The following DRG1 variants were observed in gnomAD, a reference collection of about 807,000 sequenced individuals.
DRG1 encodes the protein developmentally-regulated GTP-binding protein 1.
Under a neutral mutation model 38.8 loss-of-function variants are expected in DRG1, and 19 were observed. The ratio of observed to expected loss-of-function variants is 0.49; its 90% confidence interval spans 0.34 to 0.72. The LOEUF (loss-of-function observed/expected upper bound fraction) is 0.72, where lower values mean the gene tolerates loss of function less well. Ranked by LOEUF, DRG1 falls within the 30% of genes least tolerant of loss-of-function variation. The pLI, the probability that DRG1 is intolerant of heterozygous loss-of-function variation, is 0.01. For missense variants in DRG1, 299 were observed against 444.8 expected (o/e 0.67, Z 2.95); for synonymous variants, 167 against 157.5 (o/e 1.06, Z -0.45).
chr22:31,415,109 C>A (rs1048981879), intron 4 of DRG1, among the ~76,000 whole-genome samples: 2 of 151,960 alleles, frequency 1.3e-5, no homozygotes, highest in Admixed American at 6.6e-5. Context: ...GGTAGAATCT[C>A]GATATATTGC....
intron 8 of DRG1, among the ~76,000 whole-genome samples, chr22:31,429,632 C>T (rs1314511333): frequency 2.0e-5 from 3 of 151,640 alleles, no homozygotes; most frequent in African/African-American, 7.3e-5. Context: ...CATGTTGGCC[C>T]CTGTGTTCTT....
intron 4 of DRG1, 124 bp from the exon 5 acceptor site, chr22:31,420,132 G>A (rs568167178): frequency 9.9e-7 from 1 of 1,009,008 alleles, no homozygotes; most frequent in Non-Finnish European, 1.5e-6. Flanking sequence ...ACGTATGCAT[G>A]TATGTATTAC....
rs774966781 is a variant in DRG1 at position 31,426,800 on chromosome 22, G to A, written c.881+18G>A. 2.5e-6 allele frequency: 4 copies of A among 1,611,158 alleles called. No homozygotes were observed. Among genetic ancestry groups the A allele is most frequent in the African/African-American group, 2.7e-5 (2 of 74,802 alleles). ...GTGAGAATGTAAGTCTTTGTGGATA[G>A]GGTAATGTTGCTATAGGAATTAACC... On this transcript the variant is annotated intron_variant, in intron 7 of 8. Transcript: ENST00000331457.
chr22:31,411,014 C>T lies in DRG1; in HGVS notation c.345C>T (p.Leu115=). ...TTCCCCCATTCTTAATCTTGCAGCT[C>T]CTGGATCTCCCAGGTATCATTGAAG... ...VIRYKGAKIQ[L]LDLPGIIEGA... Residue 115 remains leucine, a splice_region_variant and synonymous_variant, in exon 4 of 9, where the codon CTC becomes CTT. Transcript: ENST00000331457. 6.2e-7 allele frequency: 1 copy of T among 1,613,744 alleles called. No individual in the cohort carries two copies. Among genetic ancestry groups the T allele is most frequent in the Non-Finnish European group, 8.5e-7 (1 of 1,179,822 alleles).
chr22:31,405,759 G>C (rs1472874798), intron 3 of DRG1, among the ~76,000 whole-genome samples: 3 of 152,042 alleles, frequency 2.0e-5, no homozygotes, highest in Non-Finnish European at 4.4e-5. Context: ...CGTGATCTTG[G>C]CTCACTACAA....
intron 4 of DRG1, among the ~76,000 whole-genome samples, chr22:31,412,048 T>C (rs2050021079): frequency 6.6e-6 from 1 of 151,770 alleles, no homozygotes; most frequent in South Asian, 2.1e-4. Flanking sequence ...TCCCAGCATT[T>C]TGGGAGGCCG....
rs1476450614 is a variant in DRG1, at chr22:31,434,037, C to T, written c.*66C>T. 6.8e-7 allele frequency: 1 copy of T among 1,479,134 alleles called. No individual in the cohort carries two copies. 91.6% of individuals were successfully genotyped at this position (1,479,134 alleles called of 1,614,324 possible). A position where few individuals can be genotyped will look rare whatever the true frequency, so the allele number is the denominator to read the frequency against. On this transcript the variant is annotated 3_prime_UTR_variant, in exon 9 of 9. Transcript: ENST00000331457. Reference sequence around the variant, plus strand: ...CGTTCCCCATGATCAAGCACCCTACCCCAGTTCTTTCTGGTTTTGGCAGTC... The same window carrying T: ...CGTTCCCCATGATCAAGCACCCTACTCCAGTTCTTTCTGGTTTTGGCAGTC...
At chr22:31,429,094 G>A (rs1046326939) in intron 8 of DRG1, among the ~76,000 whole-genome samples, 1 of 151,838 alleles carries the variant, frequency 6.6e-6, no homozygotes, top group African/African-American at 2.4e-5. Context: ...TCAAATTTTT[G>A]CCTGCTATTA....
intron 3 of DRG1, among the ~76,000 whole-genome samples, chr22:31,403,940 T>A (rs2049976186): frequency 6.6e-6 from 1 of 151,994 alleles, no homozygotes; most frequent in Admixed American, 6.6e-5. Context: ...TTCAGAGTCT[T>A]GTTGAGAGTC....
chr22:31,415,946 A>G (rs906595555), intron 4 of DRG1, among the ~76,000 whole-genome samples: 3 of 151,960 alleles, frequency 2.0e-5, no homozygotes, highest in Non-Finnish European at 4.4e-5. Flanking sequence ...CTAACATTAT[A>G]GCCCCATAAC....
At chr22:31,412,550 C>T (rs1449362285) in intron 4 of DRG1, among the ~76,000 whole-genome samples, 6 of 151,650 alleles carry the variant, frequency 4.0e-5, no homozygotes, top group South Asian at 2.1e-4. Flanking sequence ...GGGGTTTCAT[C>T]GTGTTAGCCA....
intron 2 of DRG1, among the ~76,000 whole-genome samples, chr22:31,402,058 A>G (rs1044791161): frequency 6.6e-6 from 1 of 152,170 alleles, no homozygotes; most frequent in African/African-American, 2.4e-5. Context: ...CTCAAGAAAA[A>G]AAAAGAAAAA....
chr22:31,408,129 T>C (rs1163418855), intron 3 of DRG1, among the ~76,000 whole-genome samples: 1 of 115,554 alleles, frequency 8.7e-6, no homozygotes, highest in African/African-American at 3.1e-5. Context: ...CCCCTTTTTT[T>C]CCTTCTTTTT....
chr22:31,427,076 G>A lies in DRG1; in HGVS notation c.898G>A (p.Gly300Ser), dbSNP rs1417046965. Reference sequence around the variant, plus strand: ...CTATTCTAGTTACACCAAACCCAAAGGCCAGTTACCAGATTACACATCCCC... The same window carrying A: ...CTATTCTAGTTACACCAAACCCAAAAGCCAGTTACCAGATTACACATCCCC... ...KLVRIYTKPKGQLPDYTSPVV... is the reference protein window; with the variant it reads ...KLVRIYTKPKSQLPDYTSPVV... Residue 300 changes from glycine (G) to serine (S), a missense_variant, in exon 8 of 9, where the codon GGC becomes AGC. Physicochemically the swap from Gly to Ser is moderately conservative, Grantham distance 56. Coordinates refer to ENST00000331457, the MANE Select transcript of DRG1 (RefSeq NM_004147.4). 7 of 1,613,922 alleles carry A rather than the reference G, an allele frequency of 4.3e-6. No individual in the cohort carries two copies. The highest frequency in any genetic ancestry group is 5.9e-6 in the Non-Finnish European group (7 of 1,179,928).
At chr22:31,405,443 G>A (rs982958145) in intron 3 of DRG1, among the ~76,000 whole-genome samples, 3 of 152,008 alleles carry the variant, frequency 2.0e-5, no homozygotes, top group African/African-American at 7.2e-5. Context: ...TGGGATTATA[G>A]GCTTGAGCCA....
At chr22:31,412,596 G>A (rs904602275) in intron 4 of DRG1, among the ~76,000 whole-genome samples, 5 of 151,916 alleles carry the variant, frequency 3.3e-5, no homozygotes, top group Admixed American at 2.0e-4. Flanking sequence ...TGATCCGCCC[G>A]CCTCGGCCTC....
chr22:31,427,977 C>T (rs997601839), intron 8 of DRG1, among the ~76,000 whole-genome samples: 1 of 151,954 alleles, frequency 6.6e-6, no homozygotes, highest in African/African-American at 2.4e-5. Context: ...CCTCAGCCCC[C>T]CAAAGTGCTG....
At position 31,411,031 on chromosome 22, in the gene DRG1, T is replaced by C; in HGVS notation, c.362T>C (p.Ile121Thr). The part of the protein sequence containing the change: ...AKIQLLDLPG[I>T]IEGAKDGKGR... ...TTGCAGCTCCTGGATCTCCCAGGTA[T>C]CATTGAAGGTGCCAAGGATGGGAAA... Residue 121 changes from isoleucine to threonine, a missense_variant, in exon 4 of 9, where the codon ATC (isoleucine) becomes ACC (threonine). Around this residue, in one of 3 missense-constraint regions of DRG1, gnomAD observed 50 missense variants for 120.6 expected, o/e 0.41. Transcript: ENST00000331457. The C allele has an allele frequency of 6.2e-7, 1 of 1,613,960 alleles. No homozygotes were observed. Among genetic ancestry groups the C allele is most frequent in the Non-Finnish European group, 8.5e-7 (1 of 1,179,904 alleles).
At chr22:31,426,546 C>A in intron 6 of DRG1, 69 bp from the exon 7 acceptor site, 2 of 1,410,230 alleles carry the variant, frequency 1.4e-6, no homozygotes, top group Non-Finnish European at 1.9e-6. Context: ...TGAGGGTGTG[C>A]TGTTCAACAG....
Sources: gnomAD v4.1 joint callset for allele counts (sites outside exome capture counted in the v4.1 genomes callset) on GRCh38, gnomAD v4.1.1 for gene constraint, gnomAD v4.1.1 regional missense constraint, MANE v1.5 for transcripts, NCBI Gene and HGNC (gene_info 2026-07-23, HGNC 2026-07-21) for gene names.